Variants in SOWAHC observed in about 807,000 individuals in gnomAD.
SOWAHC encodes ankyrin repeat domain-containing protein SOWAHC.
A neutral mutation model predicts 14.4 loss-of-function variants in SOWAHC; 12 were observed. That is an observed-to-expected ratio of 0.83 (90% CI 0.53 to 1.35). SOWAHC has a LOEUF of 1.35. Among genes scored for constraint, SOWAHC ranks in the 40% most tolerant of loss-of-function variants. SOWAHC has a pLI of 0.00. For synonymous variants in SOWAHC, 398 were observed against 347.0 expected (o/e 1.15, Z -1.63); for missense variants, 771 against 752.8 (o/e 1.02, Z -0.28).
Position 109,618,728 on chromosome 2 carries a change from G to A in SOWAHC, c.*2661G>A, listed in dbSNP as rs955807230. On this transcript the variant is annotated 3_prime_UTR_variant, in exon 1 of 1. Transcript: ENST00000356454. Reference sequence around the variant, plus strand: ...GATACTTAGATGTTTATTGATATGAGACTATGTGGTTAAAAAACCCAAGTA... The same window carrying A: ...GATACTTAGATGTTTATTGATATGAAACTATGTGGTTAAAAAACCCAAGTA... 1 of 166,978 alleles carries A rather than the reference G, an allele frequency of 6.0e-6. No homozygotes were observed. The highest frequency in any genetic ancestry group is 2.4e-5 in the African/African-American group (1 of 41,412). The allele number at this position is 166,978 out of a possible 1,614,324, so 10.3% of individuals were successfully genotyped here.
At position 109,617,834 on chromosome 2, in the gene SOWAHC, C is replaced by CA. The variant is rs1233557509; in HGVS notation, c.*1768dup. ...AGGAGTTTGAAACCAGCCTGGCCAA[C>CA]ATGGTGAAAACCTGTCTCTACTAAA... On this transcript the variant is annotated 3_prime_UTR_variant, in exon 1 of 1. Coordinates refer to ENST00000356454, the MANE Select transcript of SOWAHC (RefSeq NM_023016.4). 1.3e-5 allele frequency: 2 copies of CA among 159,306 alleles called. No individual in the cohort carries two copies. Among genetic ancestry groups the CA allele is most frequent in the African/African-American group, 2.4e-5 (1 of 41,404 alleles). 9.9% of individuals were successfully genotyped at this position (159,306 alleles called of 1,614,324 possible). A position where few individuals can be genotyped will look rare whatever the true frequency, so the allele number is the denominator to read the frequency against.
Position 109,615,105 on chromosome 2 carries a change from C to T in SOWAHC, c.616C>T (p.Arg206Cys), listed in dbSNP as rs1409885210. The T allele has an allele frequency of 7.1e-6, 11 of 1,549,758 alleles. No homozygotes were observed. The highest frequency in any genetic ancestry group is 8.7e-6 in the Non-Finnish European group (10 of 1,146,786). The change falls in exon 1 of 1, where the codon CGT becomes TGT. Residue 206 changes from arginine to cysteine, a missense_variant. Physicochemically the swap from Arg to Cys is radical, Grantham distance 180. Transcript: ENST00000356454. ...ACAGAGGCCGGCCCGCCAGAACCTCCGTGACCTGGTGATGGGCAGCTCCCC... is the reference window on the plus strand; with the variant it reads ...ACAGAGGCCGGCCCGCCAGAACCTCTGTGACCTGGTGATGGGCAGCTCCCC... ...TAQRPARQNL[R>C]DLVMGSSPQL...
chr2:109,615,880 C>G lies in SOWAHC; in HGVS notation c.1391C>G (p.Ser464Cys), dbSNP rs1479037821. Residue 464 changes from serine (S) to cysteine (C), a missense_variant, in exon 1 of 1, where the codon TCT becomes TGT. Ser to Cys is a moderately radical substitution (Grantham distance 112). Coordinates refer to ENST00000356454, the MANE Select transcript of SOWAHC (RefSeq NM_023016.4). ...KDPGRKASGS[S>C]SGRIKPRLNK... ...CCAGGGCGCAAAGCCTCGGGCAGCT[C>G]TAGTGGACGTATAAAACCCAGACTC... 1 of 1,613,538 alleles carries G rather than the reference C, an allele frequency of 6.2e-7. No individual in the cohort carries two copies. Among genetic ancestry groups the G allele is most frequent in the South Asian group, 1.1e-5 (1 of 91,030 alleles).
At position 109,614,927 on chromosome 2, in the gene SOWAHC, GC is replaced by G; in HGVS notation, c.442del (p.Leu148Ter). Reference sequence around the variant, plus strand: ...AGCCCCCCGCCCCCGCGCACTGGCCGCCCCTGAGCGCCGGGGCTCGCAGGAA... The same window carrying G: ...AGCCCCCCGCCCCCGCGCACTGGCCGCCCTGAGCGCCGGGGCTCGCAGGAA... ...GEPPAPAHWP[P>X]LSAGARRKNS... On this transcript the variant is annotated frameshift_variant, in exon 1 of 1. Coordinates refer to ENST00000356454, the MANE Select transcript of SOWAHC (RefSeq NM_023016.4). LOFTEE classifies it low-confidence loss of function (END_TRUNC). 1 of 1,494,678 alleles carries G rather than the reference GC, an allele frequency of 6.7e-7. No individual in the cohort carries two copies. The highest frequency in any genetic ancestry group is 8.9e-7 in the Non-Finnish European group (1 of 1,129,006). The allele number at this position is 1,494,678 out of a possible 1,614,324, so 92.6% of individuals were successfully genotyped here.
chr2:109,617,390 TTAAG>T lies in SOWAHC; in HGVS notation c.*1326_*1329del. On this transcript the variant is annotated 3_prime_UTR_variant, in exon 1 of 1. Coordinates refer to ENST00000356454, the MANE Select transcript of SOWAHC (RefSeq NM_023016.4). ...CCATTCATTAAAATTAAGTACTCGT[TTAAG>T]TATGGTTCTTAATTACATTTCATTC... 6.0e-6 allele frequency: 1 copy of T among 167,222 alleles called. No homozygotes were observed. 10.4% of individuals were successfully genotyped at this position (167,222 alleles called of 1,614,324 possible).
rs1700023181 is a variant in SOWAHC at position 109,614,732 on chromosome 2, G to A, written c.243G>A (p.Lys81=). ...GCGCCAAGTACGTGCACCTCAAGAA[G>A]AGGTTCTGTGAAGGGCCGTCCGAGC... ...ADGAKYVHLK[K]RFCEGPSEPS... is the part of the protein sequence containing the mutation. Residue 81 remains lysine, a synonymous_variant, in exon 1 of 1, where the codon AAG becomes AAA. Coordinates refer to ENST00000356454, the MANE Select transcript of SOWAHC (RefSeq NM_023016.4). 2 of 1,488,936 alleles carry A rather than the reference G, an allele frequency of 1.3e-6. No homozygotes were observed. The highest frequency in any genetic ancestry group is 1.3e-5 in the South Asian group (1 of 79,642). The allele number at this position is 1,488,936 out of a possible 1,614,324, so 92.2% of individuals were successfully genotyped here.
chr2:109,614,652 C>G lies in SOWAHC; in HGVS notation c.163C>G (p.His55Asp). 1 of 1,473,352 alleles carries G rather than the reference C, an allele frequency of 6.8e-7. No individual in the cohort carries two copies. Among genetic ancestry groups the G allele is most frequent in the East Asian group, 3.0e-5 (1 of 33,420 alleles). The allele number at this position is 1,473,352 out of a possible 1,614,324, so 91.3% of individuals were successfully genotyped here. A position where few individuals can be genotyped will look rare whatever the true frequency, so the allele number is the denominator to read the frequency against. Residue 55 changes from histidine (H) to aspartate (D), a missense_variant, in exon 1 of 1, where the codon CAC becomes GAC. Physicochemically the swap from His to Asp is moderately conservative, Grantham distance 81. Transcript: ENST00000356454. ...GGAGCAGCGCGCCCGCGCCCGCGCG[C>G]ACTTCAAGGAGCTGGTGAACGCCGT... ...EPEQRARARAHFKELVNAVAT... is the reference protein window; with the variant it reads ...EPEQRARARADFKELVNAVAT...
In SOWAHC at chr2:109,615,334, G is replaced by A. The variant is rs202166335; in HGVS notation, c.845G>A (p.Ser282Asn). ...TCTGCCTCCGATGGCAAGTGGGACA[G>A]CCTGGAGGGCTTGCTCACCTGCGAG... is the stretch of plus-strand genomic sequence containing the variant. The part of the protein sequence containing the change: ...MLSASDGKWD[S>N]LEGLLTCEPG... The change falls in exon 1 of 1, where the codon AGC (serine) becomes AAC (asparagine). Residue 282 changes from serine to asparagine, a missense_variant. By Grantham distance (46) the Ser-to-Asn change is conservative. Coordinates refer to ENST00000356454, the MANE Select transcript of SOWAHC (RefSeq NM_023016.4). 62 of 1,611,730 alleles carry A rather than the reference G, an allele frequency of 3.8e-5. No individual in the cohort carries two copies. In the East Asian group the frequency reaches 6.2e-4, roughly 16 times the overall value.
rs563601913 is a variant in SOWAHC, at chr2:109,616,844, C to T, written c.*777C>T. 1 of 166,982 alleles carries T rather than the reference C, an allele frequency of 6.0e-6. No individual in the cohort carries two copies. Among genetic ancestry groups the T allele is most frequent in the Admixed American group, 6.5e-5 (1 of 15,278 alleles). The allele number at this position is 166,982 out of a possible 1,614,324, so 10.3% of individuals were successfully genotyped here. On this transcript the variant is annotated 3_prime_UTR_variant, in exon 1 of 1. Transcript: ENST00000356454. ...TTTATTTAAAGAGAACACTTAGCAGCCTATGATAGTTTTCAATAAAATGTT... is the reference window on the plus strand; with the variant it reads ...TTTATTTAAAGAGAACACTTAGCAGTCTATGATAGTTTTCAATAAAATGTT...
Position 109,615,887 on chromosome 2 carries a change from A to G in SOWAHC, c.1398A>G (p.Gly466=). Residue 466 remains glycine (G), a synonymous_variant, in exon 1 of 1, where the codon GGA becomes GGG. Transcript: ENST00000356454. ...PGRKASGSSS[G]RIKPRLNKIR... Reference sequence around the variant, plus strand: ...GCAAAGCCTCGGGCAGCTCTAGTGGACGTATAAAACCCAGACTCAACAAAA... The same window carrying G: ...GCAAAGCCTCGGGCAGCTCTAGTGGGCGTATAAAACCCAGACTCAACAAAA... The G allele has an allele frequency of 1.2e-6, 2 of 1,613,088 alleles. No homozygotes were observed. Among genetic ancestry groups the G allele is most frequent in the East Asian group, 2.2e-5 (1 of 44,858 alleles).
In SOWAHC at chr2:109,615,984, G is replaced by A. The variant is rs1411667394; in HGVS notation, c.1495G>A (p.Gly499Arg). The A allele has an allele frequency of 2.6e-6, 4 of 1,555,648 alleles. No homozygotes were observed. Among genetic ancestry groups the A allele is most frequent in the Non-Finnish European group, 3.5e-6 (4 of 1,154,104 alleles). The part of the protein sequence containing the change: ...RDPEQPLEGR[G>R]EEGVGEERPV... The stretch of plus-strand genomic sequence containing the variant: ...CCCAGAGCAGCCGCTGGAGGGCAGG[G>A]GGGAGGAGGGAGTGGGGGAGGAACG... Residue 499 changes from glycine (G) to arginine (R), a missense_variant, in exon 1 of 1, where the codon GGG (glycine) becomes AGG (arginine). Physicochemically the swap from Gly to Arg is moderately radical, Grantham distance 125. Transcript: ENST00000356454.
rs368577984 is a variant in SOWAHC at position 109,615,737 on chromosome 2, A to G, written c.1248A>G (p.Ser416=). The change falls in exon 1 of 1, where the codon TCA becomes TCG. Residue 416 remains serine (S), a synonymous_variant. Coordinates refer to ENST00000356454, the MANE Select transcript of SOWAHC (RefSeq NM_023016.4). ...GCGGCGGCGGGCGCTGGAGGCTTTC[A>G]AAGGTGCTTCCCTCGCATCTCATCA... ...AGSGGGRWRL[S]KVLPSHLITY... 45 of 1,613,950 alleles carry G rather than the reference A, an allele frequency of 2.8e-5. 1 individual carries two copies. The African/African-American group carries it at 4.4e-4, about 16-fold the overall frequency.
In SOWAHC at chr2:109,615,330, G is replaced by A. The variant is rs1700085173; in HGVS notation, c.841G>A (p.Asp281Asn). 6.2e-7 allele frequency: 1 copy of A among 1,611,300 alleles called. No homozygotes were observed. The highest frequency in any genetic ancestry group is 8.5e-7 in the Non-Finnish European group (1 of 1,179,446). The stretch of plus-strand genomic sequence containing the variant: ...GCTCTCTGCCTCCGATGGCAAGTGG[G>A]ACAGCCTGGAGGGCTTGCTCACCTG... Reference protein sequence around the residue: ...WMLSASDGKWDSLEGLLTCEP... With the variant: ...WMLSASDGKWNSLEGLLTCEP... The change falls in exon 1 of 1, where the codon GAC becomes AAC. Residue 281 changes from aspartate to asparagine, a missense_variant. Physicochemically the swap from Asp to Asn is conservative, Grantham distance 23. Coordinates refer to ENST00000356454, the MANE Select transcript of SOWAHC (RefSeq NM_023016.4).
Position 109,615,433 on chromosome 2 carries a change from A to C in SOWAHC, c.944A>C (p.Gln315Pro), listed in dbSNP as rs773751862. 1.2e-5 allele frequency: 20 copies of C among 1,613,092 alleles called. No homozygotes were observed. The highest frequency in any genetic ancestry group is 1.7e-5 in the Non-Finnish European group (20 of 1,180,024). ...CLHWAAKHGR[Q>P]ELLAMLVNFA... ...CACTGGGCCGCCAAGCACGGCAGGC[A>C]GGAGCTTCTGGCCATGCTAGTCAAC... is the stretch of plus-strand genomic sequence containing the variant. Residue 315 changes from glutamine (Q) to proline (P), a missense_variant, in exon 1 of 1, where the codon CAG becomes CCG. Gln to Pro is a moderately conservative substitution (Grantham distance 76). Coordinates refer to ENST00000356454, the MANE Select transcript of SOWAHC (RefSeq NM_023016.4).
chr2:109,615,443 G>A lies in SOWAHC; in HGVS notation c.954G>A (p.Leu318=), dbSNP rs572699910. ...CCAAGCACGGCAGGCAGGAGCTTCT[G>A]GCCATGCTAGTCAACTTCGCCAACA... ...WAAKHGRQEL[L]AMLVNFANKH... is the part of the protein sequence containing the mutation. Residue 318 remains leucine (L), a synonymous_variant, in exon 1 of 1, where the codon CTG becomes CTA. Transcript: ENST00000356454. The A allele has an allele frequency of 1.7e-5, 28 of 1,613,178 alleles. No individual in the cohort carries two copies. In the Admixed American group the frequency reaches 2.8e-4, roughly 16 times the overall value.
rs1156670119 is a variant in SOWAHC at position 109,614,969 on chromosome 2, C to G, written c.480C>G (p.Asp160Glu). ...CTCGCAGGAAGAACTCGCGGCGCGA[C>G]GTGCAGCCCCTACCGCGGACTCCAG... The part of the protein sequence containing the change: ...AGARRKNSRR[D>E]VQPLPRTPAP... The change falls in exon 1 of 1, where the codon GAC becomes GAG. Residue 160 changes from aspartate (D) to glutamate (E), a missense_variant. By Grantham distance (45) the Asp-to-Glu change is conservative. Transcript: ENST00000356454. The G allele has an allele frequency of 1.3e-6, 2 of 1,529,364 alleles. No homozygotes were observed. Among genetic ancestry groups the G allele is most frequent in the Non-Finnish European group, 1.8e-6 (2 of 1,141,548 alleles). The allele number at this position is 1,529,364 out of a possible 1,614,324, so 94.7% of individuals were successfully genotyped here. A position where few individuals can be genotyped will look rare whatever the true frequency, so the allele number is the denominator to read the frequency against.
rs1700161268 is a variant in SOWAHC, at chr2:109,617,134, T to C, written c.*1067T>C. ...ATGTAAGGTACACTTTTTATTTTAA[T>C]ACATTGGTAGTCTCTATGACTTGTA... On this transcript the variant is annotated 3_prime_UTR_variant, in exon 1 of 1. Coordinates refer to ENST00000356454, the MANE Select transcript of SOWAHC (RefSeq NM_023016.4). The C allele has an allele frequency of 6.0e-6, 1 of 166,720 alleles. No homozygotes were observed. The highest frequency in any genetic ancestry group is 6.5e-5 in the Admixed American group (1 of 15,282). 10.3% of individuals were successfully genotyped at this position (166,720 alleles called of 1,614,324 possible).
At position 109,615,438 on chromosome 2, in the gene SOWAHC, C is replaced by T; in HGVS notation, c.949C>T (p.Leu317Phe). The T allele has an allele frequency of 6.2e-7, 1 of 1,613,138 alleles. No individual in the cohort carries two copies. Among genetic ancestry groups the T allele is most frequent in the South Asian group, 1.1e-5 (1 of 91,090 alleles). ...GGCCGCCAAGCACGGCAGGCAGGAG[C>T]TTCTGGCCATGCTAGTCAACTTCGC... The part of the protein sequence containing the change: ...HWAAKHGRQE[L>F]LAMLVNFANK... Residue 317 changes from leucine to phenylalanine, a missense_variant, in exon 1 of 1, where the codon CTT becomes TTT. Coordinates refer to ENST00000356454, the MANE Select transcript of SOWAHC (RefSeq NM_023016.4).
Position 109,616,005 on chromosome 2 carries a change from G to A in SOWAHC, c.1516G>A (p.Glu506Lys). ...EGRGEEGVGE[E>K]RPVKGHSPFT... is the part of the protein sequence containing the mutation. Reference sequence around the variant, plus strand: ...CAGGGGGGAGGAGGGAGTGGGGGAGGAACGACCTGTTAAAGGCCACTCGCC... The same window carrying A: ...CAGGGGGGAGGAGGGAGTGGGGGAGAAACGACCTGTTAAAGGCCACTCGCC... The change falls in exon 1 of 1, where the codon GAA becomes AAA. Residue 506 changes from glutamate to lysine, a missense_variant. Coordinates refer to ENST00000356454, the MANE Select transcript of SOWAHC (RefSeq NM_023016.4). 1 of 1,535,908 alleles carries A rather than the reference G, an allele frequency of 6.5e-7. No homozygotes were observed. Among genetic ancestry groups the A allele is most frequent in the Non-Finnish European group, 8.7e-7 (1 of 1,145,190 alleles).
Sources: gnomAD v4.1 joint callset for allele counts on GRCh38, gnomAD v4.1.1 for gene constraint, MANE v1.5 for transcripts, NCBI Gene and HGNC (gene_info 2026-07-23, HGNC 2026-07-21) for gene names.